The following FSTL4 variants were observed in gnomAD, a reference collection of about 807,000 sequenced individuals.
FSTL4 encodes the protein follistatin-related protein 4.
A neutral mutation model predicts 78.2 loss-of-function variants in FSTL4; 28 were observed. The observed-to-expected ratio is 0.36, with a 90% CI of 0.27 to 0.49. The LOEUF is 0.49. FSTL4 is among the 20% of genes least tolerant of loss of function. The pLI is 0.98. For synonymous variants in FSTL4, 422 were observed against 440.5 expected, an observed-to-expected ratio of 0.96 and a Z score of 0.53; for missense variants, 922 against 1,084.9, an observed-to-expected ratio of 0.85 and a Z score of 2.11.
chr5:133,302,271 C>T (rs536246381), intron 6 of FSTL4, among the ~76,000 whole-genome samples: 3 of 152,196 alleles, frequency 2.0e-5, no homozygotes, highest in East Asian at 1.9e-4. Flanking sequence ...CCTCCATCCA[C>T]GGGGAAGATC....
At chr5:133,462,548 G>T (rs1433996426) in intron 3 of FSTL4, among the ~76,000 whole-genome samples, 2 of 152,196 alleles carry the variant, frequency 1.3e-5, no homozygotes, top group African/African-American at 4.8e-5. Context: ...CACTCCTAAC[G>T]ATTAATCAAA....
chr5:133,626,609 AT>A, the FSTL4 span, among the ~76,000 whole-genome samples: 2 of 151,466 alleles, frequency 1.3e-5, no homozygotes, highest in African/African-American at 2.4e-5. Context: ...AGTTTAATAT[AT>A]TTTTTTATTT....
the FSTL4 span, among the ~76,000 whole-genome samples, chr5:133,742,872 G>A: frequency 5.3e-5 from 8 of 152,220 alleles, no homozygotes; most frequent in South Asian, 2.1e-4. Context: ...ACAGGAGCGC[G>A]CGGTGGAGAT....
At chr5:133,480,263 G>A (rs996732553) in intron 3 of FSTL4, among the ~76,000 whole-genome samples, 5 of 152,192 alleles carry the variant, frequency 3.3e-5, no homozygotes, top group African/African-American at 1.2e-4. Context: ...GTAAGCCTCC[G>A]TTTCCTCATC....
intron 3 of FSTL4, among the ~76,000 whole-genome samples, chr5:133,463,033 G>A (rs1015631410): frequency 3.9e-5 from 6 of 152,166 alleles, no homozygotes; most frequent in African/African-American, 1.2e-4. Flanking sequence ...GTGCGAGGCA[G>A]GAAGTCTCTT....
chr5:133,218,378 G>A (rs1750983382), intron 12 of FSTL4, among the ~76,000 whole-genome samples: 1 of 152,138 alleles, frequency 6.6e-6, no homozygotes, highest in Non-Finnish European at 1.5e-5. Flanking sequence ...GTATGCTCCT[G>A]GATTCCACCC....
intron 6 of FSTL4, among the ~76,000 whole-genome samples, chr5:133,272,747 A>C (rs986470108): frequency 1.3e-5 from 2 of 152,266 alleles, no homozygotes; most frequent in African/African-American, 4.8e-5. Flanking sequence ...CTGCATTAGC[A>C]CTAAAGGCAG....
chr5:133,821,900 C>T, the FSTL4 span, among the ~76,000 whole-genome samples: 1 of 152,240 alleles, frequency 6.6e-6, no homozygotes, highest in South Asian at 2.1e-4. Context: ...ACACAAAAGG[C>T]AGGAGGATCA....
At chr5:133,686,687 C>T in the FSTL4 span, among the ~76,000 whole-genome samples, 1 of 152,176 alleles carries the variant, frequency 6.6e-6, no homozygotes, top group Admixed American at 6.5e-5. Context: ...AAAGGGACTT[C>T]AGGTCAGGGG....
chr5:133,620,857 T>C, the FSTL4 span, among the ~76,000 whole-genome samples: 5 of 152,188 alleles, frequency 3.3e-5, no homozygotes, highest in South Asian at 2.1e-4. Context: ...AGAGCCACTA[T>C]GGAAAACAGT....
At chr5:133,651,895 T>C in the FSTL4 span, among the ~76,000 whole-genome samples, 1 of 152,166 alleles carries the variant, frequency 6.6e-6, no homozygotes, top group African/African-American at 2.4e-5. Context: ...AGAATTCACC[T>C]GTCATCCATC....
chr5:133,721,333 G>T, the FSTL4 span, among the ~76,000 whole-genome samples: 6 of 152,114 alleles, frequency 3.9e-5, no homozygotes, highest in African/African-American at 1.4e-4. Context: ...CGGTATTATA[G>T]TTTTCTGGAT....
At chr5:133,291,330 G>A (rs768637239) in intron 6 of FSTL4, among the ~76,000 whole-genome samples, 2 of 152,202 alleles carry the variant, frequency 1.3e-5, no homozygotes, top group African/African-American at 2.4e-5. Context: ...CCTCCCCAGG[G>A]CAGAGTAAAT....
chr5:133,199,281 G>A lies in FSTL4; in HGVS notation c.2343C>T (p.Pro781=), dbSNP rs775772895. The change falls in exon 16 of 16, where the codon CCC becomes CCT. Residue 781 remains proline (P), a synonymous_variant. Transcript: ENST00000265342. The surrounding 1 kb of genome is among the most constrained non-coding windows in gnomAD (Gnocchi z 4.4). The part of the protein sequence containing the change: ...VGMLKNLKEP[P]AGPAQPWGGT... Reference sequence around the variant, plus strand: ...CCCCCCAGGGCTGAGCTGGCCCTGCGGGTGGCTCCTTTAAGTTCTTCAGCA... The same window carrying A: ...CCCCCCAGGGCTGAGCTGGCCCTGCAGGTGGCTCCTTTAAGTTCTTCAGCA... The A allele has an allele frequency of 1.7e-5, 27 of 1,613,792 alleles. No homozygotes were observed. Among genetic ancestry groups the A allele is most frequent in the South Asian group, 4.4e-5 (4 of 91,070 alleles).
At chr5:133,736,884 A>T in the FSTL4 span, among the ~76,000 whole-genome samples, 1 of 152,158 alleles carries the variant, frequency 6.6e-6, no homozygotes, top group Admixed American at 6.5e-5. Context: ...AGACGTGTGC[A>T]TTCTAAAGCT....
chr5:133,394,016 A>G (rs764242849), intron 4 of FSTL4, among the ~76,000 whole-genome samples: 2 of 152,222 alleles, frequency 1.3e-5, no homozygotes, highest in East Asian at 1.9e-4. Flanking sequence ...AGCCCTAACT[A>G]AAAACAGCCA....
the FSTL4 span, among the ~76,000 whole-genome samples, chr5:133,760,892 C>T: frequency 0.026 from 3,898 of 152,230 alleles, 125 homozygotes; most frequent in African/African-American, 0.08. Context: ...ATCCACTGAC[C>T]TCTAGATTCA....
At chr5:133,261,221 C>A (rs911173576) in intron 6 of FSTL4, among the ~76,000 whole-genome samples, 1 of 152,062 alleles carries the variant, frequency 6.6e-6, no homozygotes, top group African/African-American at 2.4e-5. Flanking sequence ...CCATGGTTCC[C>A]GAATGTCACC....
intron 4 of FSTL4, among the ~76,000 whole-genome samples, chr5:133,342,743 T>C (rs555101746): frequency 6.6e-6 from 1 of 152,142 alleles, no homozygotes; most frequent in African/African-American, 2.4e-5. Flanking sequence ...ATGAGAAAAC[T>C]TGGGAAAAAG....
Sources: allele counts gnomAD v4.1 joint callset (sites outside exome capture counted in the v4.1 genomes callset), GRCh38; gene constraint gnomAD v4.1.1; non-coding constraint Gnocchi (gnomAD v3.1); transcripts MANE v1.5; gene names NCBI Gene and HGNC (gene_info 2026-07-23, HGNC 2026-07-21).